The following SBF2 variants were observed in gnomAD, a reference collection of about 807,000 sequenced individuals.
SBF2 encodes myotubularin-related protein 13.
SBF2 carries 112 observed loss-of-function variants against 225.2 expected under a neutral mutation model. The ratio of observed to expected loss-of-function variants is 0.50; its 90% confidence interval spans 0.43 to 0.58. The LOEUF (loss-of-function observed/expected upper bound fraction) is 0.58. Ranked by LOEUF, SBF2 falls within the 20% of genes least tolerant of loss-of-function variation. The probability of loss-of-function intolerance (pLI) is 0.00; values close to 1 mark genes in which losing one functional copy is unlikely to be tolerated. For missense variants in SBF2, 1,996 were observed against 2,206.2 expected (o/e 0.90, Z 1.91); for synonymous variants, 763 against 773.3 (o/e 0.99, Z 0.22).
chr11:9,845,763 A>T (rs978230796), intron 23 of SBF2, 23 bp from the exon 24 acceptor site: 1 of 1,610,700 alleles, frequency 6.2e-7, no homozygotes. Context: ...GAGATTAAAC[A>T]CAAAAGAAGC....
At chr11:9,826,288 G>C (rs1855054858) in intron 28 of SBF2, among the ~76,000 whole-genome samples, 1 of 152,196 alleles carries the variant, frequency 6.6e-6, no homozygotes. Context: ...TTTAGGCTGT[G>C]AGAACACCTA....
chr11:10,260,262 T>C (rs1961291020), intron 1 of SBF2, among the ~76,000 whole-genome samples: 1 of 152,200 alleles, frequency 6.6e-6, no homozygotes, highest in African/African-American at 2.4e-5. Context: ...TTATGTCCAC[T>C]AAGGGCACAT....
At chr11:10,261,461 C>A (rs562184259) in intron 1 of SBF2, among the ~76,000 whole-genome samples, 34 of 152,280 alleles carry the variant, frequency 2.2e-4, no homozygotes, top group South Asian at 1.7e-3. Context: ...CCTTGGCCCC[C>A]CAAAGTGCTG....
At chr11:10,087,371 C>G (rs1202877178) in intron 2 of SBF2, among the ~76,000 whole-genome samples, 1 of 151,986 alleles carries the variant, frequency 6.6e-6, no homozygotes, top group African/African-American at 2.4e-5. Context: ...CAAAGATAAA[C>G]AGCTTAAACA....
intron 16 of SBF2, among the ~76,000 whole-genome samples, chr11:9,908,175 C>A (rs1022758391): frequency 3.3e-5 from 5 of 151,646 alleles, no homozygotes; most frequent in African/African-American, 1.2e-4. Flanking sequence ...ATAATTGTTA[C>A]AATTAAAATG....
intron 1 of SBF2, among the ~76,000 whole-genome samples, chr11:10,275,665 G>A (rs1255712456): frequency 6.7e-6 from 1 of 148,402 alleles, no homozygotes; most frequent in African/African-American, 2.5e-5. Context: ...CATTTCCAAG[G>A]CTGCAACAGA....
chr11:10,247,305 G>GC (rs1959897478), intron 1 of SBF2, among the ~76,000 whole-genome samples: 2 of 152,086 alleles, frequency 1.3e-5, no homozygotes, highest in South Asian at 4.2e-4. Flanking sequence ...ATATAGCAAA[G>GC]CAAGTTGCAT....
chr11:9,791,560 G>A (rs1252544036), intron 33 of SBF2, among the ~76,000 whole-genome samples: 5 of 152,002 alleles, frequency 3.3e-5, no homozygotes, highest in African/African-American at 7.3e-5. Flanking sequence ...CCTTGGACAT[G>A]GATTTAAAAA....
chr11:10,170,451 G>C (rs150167257), intron 2 of SBF2, among the ~76,000 whole-genome samples: 1 of 151,980 alleles, frequency 6.6e-6, no homozygotes, highest in Non-Finnish European at 1.5e-5. Context: ...ATACAGATTT[G>C]TCTCTGGATT....
chr11:10,221,613 G>T (rs1410532078), intron 1 of SBF2, among the ~76,000 whole-genome samples: 1 of 152,118 alleles, frequency 6.6e-6, no homozygotes, highest in Non-Finnish European at 1.5e-5. Flanking sequence ...TTATGCTATG[G>T]CTGAGTAAGC....
chr11:9,942,121 G>T (rs1167080038), intron 16 of SBF2, among the ~76,000 whole-genome samples: 1 of 152,262 alleles, frequency 6.6e-6, no homozygotes, highest in East Asian at 1.9e-4. Flanking sequence ...ACCTGGGCTG[G>T]AGTGCGGTGG....
At chr11:9,928,571 A>G (rs1219377089) in intron 16 of SBF2, among the ~76,000 whole-genome samples, 1 of 152,244 alleles carries the variant, frequency 6.6e-6, no homozygotes, top group Non-Finnish European at 1.5e-5. Flanking sequence ...TACACATACT[A>G]TAGGGTCCAG....
At chr11:10,048,686 T>C (rs1427908602) in intron 2 of SBF2, among the ~76,000 whole-genome samples, 1 of 152,200 alleles carries the variant, frequency 6.6e-6, no homozygotes, top group East Asian at 1.9e-4. Flanking sequence ...CCTGAGAGTT[T>C]TGTAATATTT....
At chr11:9,780,636 G>GA in intron 39 of SBF2, 120 bp from the exon 40 acceptor site, 1 of 800,108 alleles carries the variant, frequency 1.2e-6, no homozygotes, top group Non-Finnish European at 2.1e-6. Flanking sequence ...ACGTCTGTAT[G>GA]AATTTTTCTT....
intron 2 of SBF2, among the ~76,000 whole-genome samples, chr11:10,073,280 T>C (rs979010192): frequency 6.6e-6 from 1 of 152,154 alleles, no homozygotes; most frequent in South Asian, 2.1e-4. Flanking sequence ...CCTTGTAAAG[T>C]TGAAGTAAAA....
intron 6 of SBF2, among the ~76,000 whole-genome samples, chr11:10,007,711 G>A (rs1252803158): frequency 6.6e-6 from 1 of 152,034 alleles, no homozygotes; most frequent in African/African-American, 2.4e-5. Context: ...AAACCCCACT[G>A]CCCCTTCTAC....
intron 16 of SBF2, among the ~76,000 whole-genome samples, chr11:9,936,095 C>G (rs903921596): frequency 6.6e-6 from 1 of 150,664 alleles, no homozygotes; most frequent in Non-Finnish European, 1.5e-5. Flanking sequence ...ACAAAGAACT[C>G]AAACAAATTT....
intron 1 of SBF2, among the ~76,000 whole-genome samples, chr11:10,258,081 T>TATACACAC (rs1961037039): frequency 1.4e-5 from 2 of 138,940 alleles, no homozygotes; most frequent in South Asian, 4.6e-4. Flanking sequence ...TACACACACA[T>TATACACAC]ACACACACAC....
At chr11:10,229,934 T>A (rs1958756434) in intron 1 of SBF2, among the ~76,000 whole-genome samples, 1 of 152,162 alleles carries the variant, frequency 6.6e-6, no homozygotes, top group Non-Finnish European at 1.5e-5. Flanking sequence ...CCCATTATTA[T>A]TGTGTGGGAG....
Sources: allele counts gnomAD v4.1 joint callset (sites outside exome capture counted in the v4.1 genomes callset), GRCh38; gene constraint gnomAD v4.1.1; transcripts MANE v1.5; gene names NCBI Gene and HGNC (gene_info 2026-07-23, HGNC 2026-07-21).